NAV3: variants seen among roughly 807,000 people sequenced by gnomAD.
NAV3 encodes the protein pore membrane and/or filament interacting like protein 1.
NAV3 carries 87 observed loss-of-function variants against 244.7 expected under a neutral mutation model. That is an observed-to-expected ratio of 0.36 (90% confidence interval 0.30 to 0.42). NAV3 has a LOEUF of 0.42. Among genes scored for constraint, NAV3 ranks in the 20% least tolerant of loss-of-function variants. The pLI is 1.00. For synonymous variants in NAV3, 1,126 were observed against 1,042.2 expected (o/e 1.08, Z -1.55); for missense variants, 2,663 against 2,893.3 (o/e 0.92, Z 1.83).
Position 78,122,026 on chromosome 12 carries a change from G to A in NAV3, c.3836G>A (p.Ser1279Asn), listed in dbSNP as rs1350893796. ...TCTTCCTCAGTAATGCCCAGCCCTA[G>A]TACCACATTAGCGCGGCAAGGCAGT... ...VKSSSVMPSP[S>N]TTLARQGSLE... Residue 1279 changes from serine to asparagine, a missense_variant, in exon 16 of 40, where the codon AGT becomes AAT. This residue lies in a region of NAV3 where 354 missense variants were observed against 413.0 expected (regional missense o/e 0.86). Transcript: ENST00000397909. 1.9e-6 allele frequency: 3 copies of A among 1,614,064 alleles called. No individual in the cohort carries two copies. The highest frequency in any genetic ancestry group is 1.6e-4 in the Middle Eastern group (1 of 6,084).
intron 1 of NAV3, among the ~76,000 whole-genome samples, chr12:77,857,482 T>C (rs1878568571): frequency 6.6e-6 from 1 of 151,926 alleles, no homozygotes; most frequent in African/African-American, 2.4e-5. Context: ...AAGTAGGGTT[T>C]TTCCTAACTA....
intron 2 of NAV3, among the ~76,000 whole-genome samples, chr12:77,824,699 C>T (rs974414386): frequency 6.6e-6 from 1 of 151,902 alleles, no homozygotes; most frequent in Non-Finnish European, 1.5e-5. Flanking sequence ...TTGAGACCAG[C>T]CTGGCCAATA....
intron 11 of NAV3, among the ~76,000 whole-genome samples, chr12:78,052,837 T>C (rs1463276636): frequency 6.6e-6 from 1 of 152,098 alleles, no homozygotes; most frequent in Admixed American, 6.6e-5. Context: ...TGTGGACATA[T>C]GTGTGAATTC....
At chr12:77,715,067 T>C (rs1876298582) in intron 2 of NAV3, among the ~76,000 whole-genome samples, 1 of 152,166 alleles carries the variant, frequency 6.6e-6, no homozygotes, top group Middle Eastern at 3.4e-3. Context: ...GGTTCTCCCA[T>C]TGAAGTTGTA....
At chr12:78,136,134 G>GA (rs746453825) in intron 18 of NAV3, among the ~76,000 whole-genome samples, 11 of 152,122 alleles carry the variant, frequency 7.2e-5, no homozygotes, top group Non-Finnish European at 1.3e-4. Flanking sequence ...CTGTGTCACA[G>GA]AAAAAATCTT....
chr12:77,884,679 T>C (rs986305907), intron 1 of NAV3, among the ~76,000 whole-genome samples: 2 of 152,118 alleles, frequency 1.3e-5, no homozygotes, highest in African/African-American at 4.8e-5. Context: ...TGGCGGATCT[T>C]CCTTATTCGG....
intron 2 of NAV3, among the ~76,000 whole-genome samples, chr12:77,772,764 T>G (rs1736950151): frequency 6.6e-6 from 1 of 152,144 alleles, no homozygotes; most frequent in Admixed American, 6.6e-5. Flanking sequence ...CTGTGTTGAA[T>G]TTTTACTGCG....
intron 1 of NAV3, among the ~76,000 whole-genome samples, chr12:77,859,758 C>CTAAAAAAAAA (rs1878959295): frequency 1.5e-5 from 1 of 68,722 alleles, no homozygotes; most frequent in Admixed American, 2.2e-4. Flanking sequence ...CTTTCAAATG[C>CTAAAAAAAAA]AAAAAAAAAA....
At chr12:78,171,583 T>G (rs1957999724) in intron 24 of NAV3, among the ~76,000 whole-genome samples, 1 of 151,632 alleles carries the variant, frequency 6.6e-6, no homozygotes, top group Admixed American at 6.6e-5. Flanking sequence ...GATAGTTAGA[T>G]TGTATTTCTG....
At chr12:78,004,147 A>C (rs1873798790) in intron 7 of NAV3, among the ~76,000 whole-genome samples, 1 of 152,228 alleles carries the variant, frequency 6.6e-6, no homozygotes, top group African/African-American at 2.4e-5. Flanking sequence ...GTATGATTGA[A>C]AACAAATTAT....
At chr12:78,047,355 C>T (rs928189069) in intron 9 of NAV3, among the ~76,000 whole-genome samples, 9 of 152,078 alleles carry the variant, frequency 5.9e-5, no homozygotes, top group Admixed American at 2.0e-4. Flanking sequence ...GGCCTGGCAA[C>T]GGGTGCCTGT....
At chr12:78,148,950 A>C (rs1305720465) in intron 22 of NAV3, 31 bp downstream of exon 22, 2 of 1,541,452 alleles carry the variant, frequency 1.3e-6, no homozygotes, top group Admixed American at 1.7e-5. Context: ...AATATATTAC[A>C]ACAAATTTTT....
At chr12:77,970,442 T>C (rs2138030581) in intron 5 of NAV3, among the ~76,000 whole-genome samples, 1 of 152,330 alleles carries the variant, frequency 6.6e-6, no homozygotes, top group South Asian at 2.1e-4. Context: ...TACTCCATAA[T>C]AAACAATATT....
At chr12:78,160,412 T>C (rs909292955) in intron 23 of NAV3, among the ~76,000 whole-genome samples, 8 of 144,112 alleles carry the variant, frequency 5.6e-5, no homozygotes, top group African/African-American at 2.1e-4. Context: ...TGCGTGTGTG[T>C]GTGTGTGTGT....
intron 23 of NAV3, among the ~76,000 whole-genome samples, chr12:78,160,962 CCT>C (rs1957519951): frequency 4.6e-5 from 7 of 151,762 alleles, no homozygotes; most frequent in Non-Finnish European, 2.9e-5. Context: ...TTCTTTTCCC[CCT>C]CTGTCTCCCT....
chr12:77,665,423 T>A (rs1873670522), intron 2 of NAV3, among the ~76,000 whole-genome samples: 1 of 152,204 alleles, frequency 6.6e-6, no homozygotes, highest in Non-Finnish European at 1.5e-5. Flanking sequence ...TATTTCATGT[T>A]AATTTTTGTA....
intron 2 of NAV3, among the ~76,000 whole-genome samples, chr12:77,708,464 T>G (rs1875942491): frequency 6.6e-6 from 1 of 152,228 alleles, no homozygotes; most frequent in Non-Finnish European, 1.5e-5. Flanking sequence ...ACTGTAGCCT[T>G]GTAGTATAGT....
intron 8 of NAV3, among the ~76,000 whole-genome samples, chr12:78,016,254 C>CACAT (rs1297344231): frequency 1.3e-5 from 2 of 151,922 alleles, no homozygotes; most frequent in Non-Finnish European, 2.9e-5. Context: ...TGCATACACA[C>CACAT]ACATACATAC....
intron 1 of NAV3, among the ~76,000 whole-genome samples, chr12:77,933,572 C>G (rs1593040966): frequency 6.6e-6 from 1 of 152,130 alleles, no homozygotes; most frequent in Non-Finnish European, 1.5e-5. Context: ...ACAGTGTGAG[C>G]TTTCATTTTA....
Sources: gnomAD v4.1 joint callset for allele counts (sites outside exome capture counted in the v4.1 genomes callset) on GRCh38, gnomAD v4.1.1 for gene constraint, gnomAD v4.1.1 regional missense constraint, MANE v1.5 for transcripts, NCBI Gene and HGNC (gene_info 2026-07-23, HGNC 2026-07-21) for gene names.